Variants in ADK observed in about 807,000 individuals in gnomAD.
ADK encodes the protein adenosine kinase, also known as N6,N6-dimethyladenosine kinase.
ADK carries 24 observed loss-of-function variants against 44.7 expected under a neutral mutation model. That is an observed-to-expected ratio of 0.54 (90% CI 0.39 to 0.76). ADK has a LOEUF of 0.76. ADK is among the 30% of genes least tolerant of loss of function. The pLI is 0.00. For synonymous variants in ADK, 128 were observed against 142.6 expected (o/e 0.90, Z 0.73); for missense variants, 321 against 425.1 (o/e 0.76, Z 2.15).
In ADK at chr10:74,185,007, A is replaced by G. The variant is rs568663553; in HGVS notation, c.66-15757A>G. Among the ~76,000 whole-genome samples, 6 of 152,320 alleles carry G rather than the reference A, an allele frequency of 3.9e-5. No individual in the cohort carries two copies. In the East Asian group the frequency reaches 1.2e-3, roughly 29 times the overall value. ...TGTTATCTTACTTTTGGGAGGTTAC[A>G]TAACCTTGAGGAACCTCTTGTTTCC... On this transcript the variant is annotated intron_variant, in intron 1 of 10. Coordinates refer to ENST00000539909, the MANE Select transcript of ADK (RefSeq NM_006721.4).
At chr10:74,527,595 T>C in intron 7 of ADK, 1 of 772,448 alleles carries the variant, frequency 1.3e-6, no homozygotes, top group East Asian at 2.4e-5. Context: ...TAGCTGCCTC[T>C]GCCTTTGCCG....
intron 6 of ADK, among the ~76,000 whole-genome samples, chr10:74,466,236 G>C (rs951378718): frequency 2.0e-5 from 3 of 152,126 alleles, no homozygotes; most frequent in Admixed American, 6.6e-5. Flanking sequence ...AATGCATACA[G>C]CTGAGCTCTT....
At chr10:74,313,502 G>A (rs998410770) in intron 3 of ADK, among the ~76,000 whole-genome samples, 1 of 151,760 alleles carries the variant, frequency 6.6e-6, no homozygotes, top group Non-Finnish European at 1.5e-5. Context: ...TATATTTTTA[G>A]CATCCGGTAT....
chr10:74,335,531 C>T lies in ADK; in HGVS notation c.273+20786C>T, dbSNP rs1278425656. On this transcript the variant is annotated intron_variant, in intron 4 of 10. Coordinates refer to ENST00000539909, the MANE Select transcript of ADK (RefSeq NM_006721.4). ...CTCTAGAGGGATATTTGAATTGTTT[C>T]TGGTGATTATGAATAAAGCTGCTAA... 3.9e-5 allele frequency among the ~76,000 whole-genome samples: 6 copies of T among 152,254 alleles called. No homozygotes were observed. In the East Asian group the frequency reaches 9.6e-4, roughly 24 times the overall value.
chr10:74,486,102 C>G (rs1221204391), intron 6 of ADK, among the ~76,000 whole-genome samples: 2 of 152,062 alleles, frequency 1.3e-5, no homozygotes, highest in African/African-American at 4.8e-5. Context: ...AAGGAGAGAC[C>G]TGGTGGGAGG....
chr10:74,649,226 AGAAAT>A (rs1385348672), intron 9 of ADK, among the ~76,000 whole-genome samples: 10 of 152,234 alleles, frequency 6.6e-5, no homozygotes, highest in African/African-American at 1.4e-4. Context: ...AAACAAAAAA[AGAAAT>A]AAAATAAGAA....
intron 9 of ADK, among the ~76,000 whole-genome samples, chr10:74,648,908 G>A (rs901338220): frequency 3.3e-5 from 5 of 152,024 alleles, no homozygotes; most frequent in African/African-American, 7.2e-5. Context: ...AGGTCAGGGC[G>A]CAGTGGCTCA....
intron 1 of ADK, among the ~76,000 whole-genome samples, chr10:74,194,435 T>G (rs1254020916): frequency 6.6e-6 from 1 of 152,168 alleles, no homozygotes; most frequent in Non-Finnish European, 1.5e-5. Flanking sequence ...TTGGGATTAT[T>G]TTATGAATAA....
chr10:74,214,520 A>G (rs188319562), intron 2 of ADK, among the ~76,000 whole-genome samples: 18 of 152,216 alleles, frequency 1.2e-4, no homozygotes, highest in African/African-American at 3.9e-4. Flanking sequence ...GTCATCTGCT[A>G]TGTACCAAGT....
chr10:74,619,518 CTGAT>C (rs946597911), intron 9 of ADK, among the ~76,000 whole-genome samples: 1 of 151,558 alleles, frequency 6.6e-6, no homozygotes, highest in Non-Finnish European at 1.5e-5. Context: ...TCTAAAGTAT[CTGAT>C]TATTTCTTAT....
At chr10:74,289,386 G>A (rs1847316695) in intron 3 of ADK, among the ~76,000 whole-genome samples, 1 of 152,076 alleles carries the variant, frequency 6.6e-6, no homozygotes, top group Non-Finnish European at 1.5e-5. Flanking sequence ...TGCTTTAAAC[G>A]CAGTAGGTAC....
At chr10:74,523,477 C>A (rs964472318) in intron 6 of ADK, among the ~76,000 whole-genome samples, 5 of 152,128 alleles carry the variant, frequency 3.3e-5, no homozygotes, top group Non-Finnish European at 4.4e-5. Flanking sequence ...CTTGTTTTCT[C>A]CTTTTCCTTT....
chr10:74,290,063 C>T (rs189906531), intron 3 of ADK, among the ~76,000 whole-genome samples: 63 of 142,506 alleles, frequency 4.4e-4, no homozygotes, highest in African/African-American at 1.5e-3. Flanking sequence ...ACTCAAGTCA[C>T]TAAACTACTC....
At chr10:74,156,170 G>A (rs1008903748) in intron 1 of ADK, among the ~76,000 whole-genome samples, 1 of 152,254 alleles carries the variant, frequency 6.6e-6, no homozygotes, top group East Asian at 1.9e-4. Context: ...TGAAACTCAG[G>A]GAAAGTGGGA....
chr10:74,634,746 A>T (rs1853565292), intron 9 of ADK, among the ~76,000 whole-genome samples: 1 of 151,694 alleles, frequency 6.6e-6, no homozygotes, highest in South Asian at 2.1e-4. Context: ...GGAGTTCGAG[A>T]CCAGTCTGGC....
At chr10:74,513,561 G>A (rs1848434410) in intron 6 of ADK, among the ~76,000 whole-genome samples, 1 of 151,908 alleles carries the variant, frequency 6.6e-6, no homozygotes, top group South Asian at 2.1e-4. Context: ...ATTCCTGTTT[G>A]CTTTTAGTTT....
At chr10:74,351,269 C>A (rs554001236) in intron 4 of ADK, among the ~76,000 whole-genome samples, 4 of 152,134 alleles carry the variant, frequency 2.6e-5, no homozygotes, top group South Asian at 2.1e-4. Context: ...GTTCAACATA[C>A]GCAAATCAAT....
chr10:74,550,231 C>T (rs1849983603), intron 7 of ADK, among the ~76,000 whole-genome samples: 1 of 151,948 alleles, frequency 6.6e-6, no homozygotes, highest in Non-Finnish European at 1.5e-5. Flanking sequence ...CCACCATGCC[C>T]AGCTAATTTT....
At chr10:74,243,103 G>A (rs562716122) in intron 3 of ADK, among the ~76,000 whole-genome samples, 12 of 152,244 alleles carry the variant, frequency 7.9e-5, no homozygotes, top group Non-Finnish European at 8.8e-5. Context: ...ACGCAATGTG[G>A]TAAGGGACCA....
Sources: gnomAD v4.1 joint callset for allele counts (sites outside exome capture counted in the v4.1 genomes callset) on GRCh38, gnomAD v4.1.1 for gene constraint, MANE v1.5 for transcripts, NCBI Gene and HGNC (gene_info 2026-07-23, HGNC 2026-07-21) for gene names.